The following SH3D19 variants were observed in gnomAD, a reference collection of about 807,000 sequenced individuals.
SH3D19 encodes the protein SH3 domain containing 19, also known as SH3 domain-containing protein 19.
In SH3D19, 58 loss-of-function variants were observed where a neutral mutation model predicts 112.1. The ratio of observed to expected loss-of-function variants is 0.52; its 90% CI spans 0.42 to 0.64. The LOEUF is 0.64. Among genes scored for constraint, SH3D19 ranks in the 30% least tolerant of loss-of-function variants. The pLI is 0.00. For missense variants in SH3D19, 1,090 were observed against 1,263.4 expected (o/e 0.86, Z 2.08); for synonymous variants, 391 against 448.5 (o/e 0.87, Z 1.62).
At chr4:151,310,216 A>AG (rs1472016180) in intron 1 of SH3D19, among the ~76,000 whole-genome samples, 11 of 125,212 alleles carry the variant, frequency 8.8e-5, no homozygotes, top group Admixed American at 2.2e-4. Flanking sequence ...TTTACAAAAA[A>AG]AAAAAAAAAA....
At chr4:151,291,093 T>C (rs1245117374) in intron 1 of SH3D19, 2 of 1,549,962 alleles carry the variant, frequency 1.3e-6, no homozygotes, top group Non-Finnish European at 1.8e-6. Flanking sequence ...TTCACTATGC[T>C]CATTACCTTT....
chr4:151,235,440 A>ATT (rs1769966606), intron 1 of SH3D19, among the ~76,000 whole-genome samples: 1 of 152,242 alleles, frequency 6.6e-6, no homozygotes, highest in Admixed American at 6.5e-5. Flanking sequence ...GCAATTAAAA[A>ATT]AATTTATTTA....
chr4:151,322,447 A>C (rs1342610430), intron 1 of SH3D19, among the ~76,000 whole-genome samples: 1 of 151,250 alleles, frequency 6.6e-6, no homozygotes, highest in African/African-American at 2.4e-5. Context: ...AAAAAAAAAA[A>C]AAAAAAAACC....
chr4:151,251,444 C>T (rs939150552), intron 1 of SH3D19, among the ~76,000 whole-genome samples: 1 of 152,146 alleles, frequency 6.6e-6, no homozygotes. Flanking sequence ...AAGCAATCCA[C>T]CAGCCTTGGA....
At chr4:151,255,657 T>C (rs1447748122) in intron 1 of SH3D19, among the ~76,000 whole-genome samples, 1 of 151,918 alleles carries the variant, frequency 6.6e-6, no homozygotes, top group Non-Finnish European at 1.5e-5. Flanking sequence ...TCTCGGCACT[T>C]TGGGAGGCCA....
chr4:151,256,119 T>C (rs537800114), intron 1 of SH3D19, among the ~76,000 whole-genome samples: 14 of 152,112 alleles, frequency 9.2e-5, no homozygotes, highest in Non-Finnish European at 2.1e-4. Context: ...TATATATAAA[T>C]TGTATACTTT....
chr4:151,137,655 G>C (rs1752139051), intron 14 of SH3D19, 77 bp downstream of exon 14: 1 of 1,198,534 alleles, frequency 8.3e-7, no homozygotes, highest in Non-Finnish European at 1.1e-6. Context: ...TGGGTTTCTA[G>C]TTATTTTTTC....
intron 1 of SH3D19, among the ~76,000 whole-genome samples, chr4:151,242,058 G>A (rs1770599689): frequency 6.6e-6 from 1 of 151,906 alleles, no homozygotes; most frequent in Non-Finnish European, 1.5e-5. Context: ...AGGCATGGTG[G>A]TGCAAGCCTG....
intron 1 of SH3D19, among the ~76,000 whole-genome samples, chr4:151,259,241 A>G (rs1234369869): frequency 6.6e-6 from 1 of 152,148 alleles, no homozygotes; most frequent in Non-Finnish European, 1.5e-5. Flanking sequence ...TCCAATGCAC[A>G]TACCATTCTT....
rs189664245 is a variant in SH3D19, at chr4:151,203,537, A to C, written c.153-16074T>G. On this transcript the variant is annotated intron_variant, in intron 2 of 19. Transcript: ENST00000604030. Reference sequence around the variant, plus strand: ...TGATTACGGACCATGGCTGGAGATAAAAAAATGAACCACTGCCCTCAGGTG... The same window carrying C: ...TGATTACGGACCATGGCTGGAGATACAAAAATGAACCACTGCCCTCAGGTG... 3.4e-3 allele frequency among the ~76,000 whole-genome samples: 523 copies of C among 152,310 alleles called. 5 individuals are homozygous for C. Among genetic ancestry groups the C allele is most frequent in the African/African-American group, 0.012 (490 of 41,560 alleles).
intron 2 of SH3D19, among the ~76,000 whole-genome samples, chr4:151,216,286 T>C (rs1222240220): frequency 6.6e-6 from 1 of 152,214 alleles, no homozygotes; most frequent in Non-Finnish European, 1.5e-5. Context: ...ACAGTCCTAA[T>C]CAATACATTT....
intron 2 of SH3D19, among the ~76,000 whole-genome samples, chr4:151,216,019 C>T (rs1370486130): frequency 1.3e-5 from 2 of 152,072 alleles, no homozygotes; most frequent in Non-Finnish European, 2.9e-5. Context: ...TTAGTAGAGA[C>T]AGGGTTTCAC....
At chr4:151,294,053 T>C (rs1775538823) in intron 1 of SH3D19, among the ~76,000 whole-genome samples, 1 of 152,230 alleles carries the variant, frequency 6.6e-6, no homozygotes, top group African/African-American at 2.4e-5. Context: ...CCCTCCTTTA[T>C]AGAACTCAAC....
At chr4:151,250,922 G>A (rs776467613) in intron 1 of SH3D19, among the ~76,000 whole-genome samples, 3 of 152,188 alleles carry the variant, frequency 2.0e-5, no homozygotes, top group South Asian at 2.1e-4. Flanking sequence ...ACTGTTGGCC[G>A]ATGGATCCAT....
At chr4:151,198,380 T>C (rs1031676435) in intron 2 of SH3D19, among the ~76,000 whole-genome samples, 8 of 37,794 alleles carry the variant, frequency 2.1e-4, no homozygotes, top group Non-Finnish European at 1.1e-3. Flanking sequence ...ATAAAAATTA[T>C]ATAATATATA....
Position 151,282,453 on chromosome 4 carries a change from C to A in SH3D19, c.112+42788G>T, listed in dbSNP as rs770141431. ...AGAGAAGGGTTGTTTCATATGTCAT[C>A]CTCTTGTACTCCAGAACATTCATAT... On this transcript the variant is annotated intron_variant, in intron 1 of 19. Transcript: ENST00000604030. 5 of 1,602,948 alleles carry A rather than the reference C, an allele frequency of 3.1e-6. No homozygotes were observed. In the African/African-American group the frequency reaches 6.7e-5, roughly 21 times the overall value.
intron 1 of SH3D19, among the ~76,000 whole-genome samples, chr4:151,286,105 C>T (rs1774730427): frequency 7.1e-6 from 1 of 140,940 alleles, no homozygotes; most frequent in Non-Finnish European, 1.5e-5. Flanking sequence ...TGCTAGAGCC[C>T]AGGAGTTCAA....
At chr4:151,265,373 A>C (rs906000200) in intron 1 of SH3D19, among the ~76,000 whole-genome samples, 9 of 151,284 alleles carry the variant, frequency 5.9e-5, no homozygotes, top group Non-Finnish European at 8.8e-5. Flanking sequence ...AAAAAAGAGG[A>C]TAGAATGTGA....
rs368493882 is a variant in SH3D19 at position 151,306,254 on chromosome 4, A to G, written c.112+18987T>C. 6.6e-5 allele frequency among the ~76,000 whole-genome samples: 10 copies of G among 152,334 alleles called. No individual in the cohort carries two copies. In the East Asian group the frequency reaches 1.9e-3, roughly 29 times the overall value. ...AATAAAATTCATAGAACTGTTCACC[A>G]AAAAGAAGCCAATTTTACTGTATGT... On this transcript the variant is annotated intron_variant, in intron 1 of 19. Transcript: ENST00000604030.
Sources: gnomAD v4.1 joint callset for allele counts (sites outside exome capture counted in the v4.1 genomes callset) on GRCh38, gnomAD v4.1.1 for gene constraint, MANE v1.5 for transcripts, NCBI Gene and HGNC (gene_info 2026-07-23, HGNC 2026-07-21) for gene names.